The following LZTFL1 variants were observed in gnomAD, a reference collection of about 807,000 sequenced individuals.
The protein encoded by LZTFL1 is leucine zipper transcription factor-like protein 1.
LZTFL1 carries 25 observed loss-of-function variants against 45.9 expected under a neutral mutation model. That is an observed-to-expected ratio of 0.54 (90% CI 0.40 to 0.76). The LOEUF (loss-of-function observed/expected upper bound fraction) is 0.76. Among genes scored for constraint, LZTFL1 ranks in the 30% least tolerant of loss-of-function variants. LZTFL1 has a pLI of 0.00. For synonymous variants in LZTFL1, 93 were observed against 117.4 expected (o/e 0.79, Z 1.35); for missense variants, 277 against 331.1 (o/e 0.84, Z 1.27).
At chr3:45,837,840 G>A (rs1349889592) in intron 2 of LZTFL1, 87 bp downstream of exon 2, 5 of 1,382,494 alleles carry the variant, frequency 3.6e-6, no homozygotes, top group East Asian at 2.4e-5. Context: ...CCCAGAAATT[G>A]TCTGGCCTCT....
At chr3:45,915,615 G>A (rs1310349677) in exon 1 of LZTFL1, 2 of 417,808 alleles carry the variant, frequency 4.8e-6, no homozygotes, top group East Asian at 7.3e-5. Flanking sequence ...GGACACTCAT[G>A]CATCTCAGGT....
rs1303816277 is a variant in LZTFL1, at chr3:45,900,374, G to A, written c.-215+12746C>T. ...TAAGAGCCCTTGCTAACCTTTTTAGGGTCAGTGAAAAACTGAATAGATAGG... is the reference window on the plus strand; with the variant it reads ...TAAGAGCCCTTGCTAACCTTTTTAGAGTCAGTGAAAAACTGAATAGATAGG... On this transcript the variant is annotated intron_variant, in intron 2 of 4. Transcript: ENST00000472635. This position sits in a 1 kb window ranked among gnomAD's most constrained non-coding sequence, Gnocchi z 4.7. Among the ~76,000 whole-genome samples the A allele has an allele frequency of 6.6e-6, 1 of 152,002 alleles. No individual in the cohort carries two copies. Among genetic ancestry groups the A allele is most frequent in the African/African-American group, 2.4e-5 (1 of 41,376 alleles).
intron 2 of LZTFL1, among the ~76,000 whole-genome samples, chr3:45,861,865 C>T (rs1267263963): frequency 1.3e-5 from 2 of 152,170 alleles, no homozygotes; most frequent in African/African-American, 4.8e-5. Flanking sequence ...GCTGTGAGGG[C>T]CGTTTATATC....
In LZTFL1 at chr3:45,884,136, T is replaced by C. The variant is rs147344962; in HGVS notation, c.-214-25120A>G. On this transcript the variant is annotated intron_variant, in intron 2 of 4. Transcript: ENST00000472635. Reference sequence around the variant, plus strand: ...CATCTCTTCCCTCAGAGTATGCTTATAGTGCCCTGTCCTCCAGAACTCACC... The same window carrying C: ...CATCTCTTCCCTCAGAGTATGCTTACAGTGCCCTGTCCTCCAGAACTCACC... 1,408 of 155,204 alleles carry C rather than the reference T, an allele frequency of 9.1e-3. 26 individuals are homozygous for C. The highest frequency in any genetic ancestry group is 0.032 in the African/African-American group (1,330 of 41,590). 9.6% of individuals were successfully genotyped at this position (155,204 alleles called of 1,614,324 possible).
chr3:45,858,545 A>G (rs943117205), intron 3 of LZTFL1, among the ~76,000 whole-genome samples: 2 of 152,256 alleles, frequency 1.3e-5, no homozygotes, highest in African/African-American at 4.8e-5. Context: ...AGTTAAAATC[A>G]CATGCTGTAT....
At chr3:45,842,262 G>A (rs1701140985), upstream of LZTFL1, 2 of 1,117,396 alleles carry the variant, frequency 1.8e-6, no homozygotes. Flanking sequence ...ACCTTTTTGT[G>A]CCAGTTCACT....
At chr3:45,854,132 C>A (rs902861598) in intron 4 of LZTFL1, among the ~76,000 whole-genome samples, 1 of 152,186 alleles carries the variant, frequency 6.6e-6, no homozygotes, top group South Asian at 2.1e-4. Flanking sequence ...CCATGTTTGG[C>A]TCCTCTGCTA....
chr3:45,889,779 G>A (rs1702091426), intron 2 of LZTFL1, among the ~76,000 whole-genome samples: 1 of 151,486 alleles, frequency 6.6e-6, no homozygotes, highest in African/African-American at 2.4e-5. Flanking sequence ...ATCAGCATGA[G>A]GACCATCCTT....
At chr3:45,851,225 ATTTTTT>A (rs59845792) in intron 4 of LZTFL1, among the ~76,000 whole-genome samples, 1 of 135,040 alleles carries the variant, frequency 7.4e-6, no homozygotes, top group African/African-American at 2.8e-5. Context: ...TTTAGCTGTG[ATTTTTT>A]TTTTTTTTTT....
chr3:45,833,960 C>G (rs1700900001), intron 4 of LZTFL1, among the ~76,000 whole-genome samples: 1 of 152,198 alleles, frequency 6.6e-6, no homozygotes, highest in African/African-American at 2.4e-5. Flanking sequence ...AGCCTGCGCT[C>G]TGAATCTTCT....
chr3:45,909,696 G>A (rs552968071), intron 2 of LZTFL1, among the ~76,000 whole-genome samples: 1 of 152,356 alleles, frequency 6.6e-6, no homozygotes, highest in African/African-American at 2.4e-5. Context: ...AACCGAAGGA[G>A]GGACGGAGTC....
chr3:45,847,075 C>T (rs138943053), upstream of LZTFL1, among the ~76,000 whole-genome samples: 1,166 of 152,278 alleles, frequency 7.7e-3, 15 homozygotes, highest in Non-Finnish European at 8.4e-3. Flanking sequence ...GGCACTGGTT[C>T]GGAAGCACTT....
At chr3:45,855,936 G>A (rs1701385768) in intron 3 of LZTFL1, among the ~76,000 whole-genome samples, 1 of 152,128 alleles carries the variant, frequency 6.6e-6, no homozygotes. Flanking sequence ...CCATGCTTAT[G>A]GATAGGAAGA....
intron 1 of LZTFL1, among the ~76,000 whole-genome samples, chr3:45,838,998 T>C (rs1209090506): frequency 6.6e-5 from 10 of 152,226 alleles, no homozygotes; most frequent in African/African-American, 2.2e-4. Context: ...ATATTATCTC[T>C]GATAGTCACA....
intron 2 of LZTFL1, among the ~76,000 whole-genome samples, chr3:45,886,168 G>A (rs537531820): frequency 2.6e-5 from 4 of 152,282 alleles, no homozygotes; most frequent in South Asian, 4.1e-4. Flanking sequence ...GCCACTGGGT[G>A]GTAATCTGAT....
chr3:45,874,344 G>A (rs575675927), intron 2 of LZTFL1, among the ~76,000 whole-genome samples: 22 of 152,274 alleles, frequency 1.4e-4, no homozygotes, highest in South Asian at 2.1e-4. Context: ...TTGCTCTCCC[G>A]TGTACTTGCT....
chr3:45,903,298 A>T (rs970120156), intron 2 of LZTFL1: 2 of 157,416 alleles, frequency 1.3e-5, no homozygotes, highest in Non-Finnish European at 2.9e-5. Flanking sequence ...ACTAGTCTTT[A>T]AAAAAAAGTG....
chr3:45,841,938 G>A, intron 1 of LZTFL1, 51 bp downstream of exon 1: 1 of 1,602,208 alleles, frequency 6.2e-7, no homozygotes, highest in East Asian at 2.3e-5. Flanking sequence ...CTCCAGCCCC[G>A]GCCGCGCTCT....
rs749151613 is a variant in LZTFL1, at chr3:45,855,079, A to C, written c.-137-5T>G. 38 of 1,500,500 alleles carry C rather than the reference A, an allele frequency of 2.5e-5. No homozygotes were observed. The highest frequency in any genetic ancestry group is 1.8e-4 in the Admixed American group (9 of 50,282). 92.9% of individuals were successfully genotyped at this position (1,500,500 alleles called of 1,614,324 possible). On this transcript the variant is annotated splice_region_variant and splice_polypyrimidine_tract_variant and intron_variant, in intron 3 of 4. Transcript: ENST00000472635. ...GATGGATTTTCTCTGCCTTCCCTAGAAAATGAGAGTTCGAGTTAAAAATTA... is the reference window on the plus strand; with the variant it reads ...GATGGATTTTCTCTGCCTTCCCTAGCAAATGAGAGTTCGAGTTAAAAATTA...
Sources: gnomAD v4.1 joint callset for allele counts (sites outside exome capture counted in the v4.1 genomes callset) on GRCh38, gnomAD v4.1.1 for gene constraint, Gnocchi (gnomAD v3.1) non-coding constraint, MANE v1.5 for transcripts, NCBI Gene and HGNC (gene_info 2026-07-23, HGNC 2026-07-21) for gene names.